The following DST variants were observed in gnomAD, a reference collection of about 807,000 sequenced individuals.
DST encodes dystonin, also known as bullous pemphigoid antigen.
Under a neutral mutation model 875.2 loss-of-function variants are expected in DST, and 253 were observed. The observed-to-expected ratio is 0.29, with a 90% CI of 0.26 to 0.32. The LOEUF (loss-of-function observed/expected upper bound fraction) is 0.32, where lower values mean the gene tolerates loss of function less well. DST is among the 10% of genes least tolerant of loss of function. The pLI, the probability that DST is intolerant of heterozygous loss-of-function variation, is 1.00. For missense variants in DST, 8,287 were observed against 9,111.6 expected, an observed-to-expected ratio of 0.91 and a Z score of 3.68; for synonymous variants, 3,124 against 3,197.1, an observed-to-expected ratio of 0.98 and a Z score of 0.77.
chr6:56,690,621 A>C (rs1249032878), intron 9 of DST, among the ~76,000 whole-genome samples: 1 of 152,254 alleles, frequency 6.6e-6, no homozygotes, highest in East Asian at 1.9e-4. Context: ...TGCAACTCAG[A>C]GCAAAAACTG....
chr6:56,473,927 C>A lies in DST; in HGVS notation c.21940G>T (p.Asp7314Tyr). The A allele has an allele frequency of 1.3e-6, 2 of 1,593,338 alleles. No homozygotes were observed. The highest frequency in any genetic ancestry group is 1.7e-6 in the Non-Finnish European group (2 of 1,168,034). The change falls in exon 93 of 104, where the codon GAT (aspartate) becomes TAT (tyrosine). Residue 7314 changes from aspartate to tyrosine, a missense_variant. Physicochemically the swap from Asp to Tyr is radical, Grantham distance 160. This residue lies in a region of DST where 1,292 missense variants were observed against 1,552.7 expected (regional missense o/e 0.83). Transcript: ENST00000680361. Reference protein sequence around the residue: ...VTKTYKRRAADPSSLQSHIPV... With the variant: ...VTKTYKRRAAYPSSLQSHIPV... ...ATATGGGATTGTAATGAGGAAGGATCAGCAGCTCTCCTCTTATAGGTCTTC... is the reference window on the plus strand; with the variant it reads ...ATATGGGATTGTAATGAGGAAGGATAAGCAGCTCTCCTCTTATAGGTCTTC...
chr6:56,538,571 C>T (rs776697231), intron 61 of DST, among the ~76,000 whole-genome samples: 1 of 152,092 alleles, frequency 6.6e-6, no homozygotes, highest in Non-Finnish European at 1.5e-5. Flanking sequence ...GAGACAAATC[C>T]TCCAGACTCT....
At chr6:56,898,304 C>A (rs757307445) in intron 3 of DST, among the ~76,000 whole-genome samples, 6 of 152,084 alleles carry the variant, frequency 3.9e-5, no homozygotes, top group Non-Finnish European at 7.4e-5. Flanking sequence ...GTTTACCAGG[C>A]AAACAAAGAA....
intron 9 of DST, among the ~76,000 whole-genome samples, chr6:56,680,045 A>G (rs1272215857): frequency 6.6e-6 from 1 of 152,016 alleles, no homozygotes; most frequent in Non-Finnish European, 1.5e-5. Context: ...AAATATCCAA[A>G]TCTCTTCCAT....
chr6:56,581,295 A>G (rs1317242131), intron 49 of DST, among the ~76,000 whole-genome samples: 1 of 152,100 alleles, frequency 6.6e-6, no homozygotes, highest in Non-Finnish European at 1.5e-5. Context: ...CTAAAGAATC[A>G]TGGAGAATAT....
intron 3 of DST, among the ~76,000 whole-genome samples, chr6:56,877,464 G>A (rs1453563665): frequency 6.6e-6 from 1 of 152,232 alleles, no homozygotes; most frequent in African/African-American, 2.4e-5. Context: ...GCAGAGGCAG[G>A]AGAATCACTT....
intron 3 of DST, among the ~76,000 whole-genome samples, chr6:56,863,507 T>C (rs933590922): frequency 5.9e-5 from 9 of 151,270 alleles, no homozygotes; most frequent in African/African-American, 2.0e-4. Flanking sequence ...GTGCTACAGC[T>C]GTGCAGCCCA....
intron 4 of DST, among the ~76,000 whole-genome samples, chr6:56,767,514 A>G (rs1215253944): frequency 6.6e-6 from 1 of 151,980 alleles, no homozygotes; most frequent in Non-Finnish European, 1.5e-5. Flanking sequence ...CTACTCGGGA[A>G]GCTGAGATAC....
At chr6:56,556,797 T>C (rs184798949) in intron 59 of DST, among the ~76,000 whole-genome samples, 1 of 152,158 alleles carries the variant, frequency 6.6e-6, no homozygotes, top group African/African-American at 2.4e-5. Flanking sequence ...ACTAGACTAG[T>C]CTAACTAACA....
chr6:56,605,871 ATCC>A lies in DST; in HGVS notation c.8754_8756del (p.Lys2918_Asp2919delinsAsn), dbSNP rs1320204387. The A allele has an allele frequency of 1.2e-6, 2 of 1,612,550 alleles. No individual in the cohort carries two copies. The highest frequency in any genetic ancestry group is 1.3e-5 in the African/African-American group (1 of 74,872). On this transcript the variant is annotated inframe_deletion, in exon 40 of 104. Transcript: ENST00000680361. ...TGTCTTTAATGATAGGCGGCAATAC[ATCC>A]TTAAGTACCATCTCATGGTTCAACA...
At chr6:56,621,684 C>T (rs2098691856) in intron 36 of DST, among the ~76,000 whole-genome samples, 2 of 152,234 alleles carry the variant, frequency 1.3e-5, no homozygotes, top group African/African-American at 4.8e-5. Context: ...GATTATAGAA[C>T]TACATGATCA....
At chr6:56,889,657 T>C (rs1039668671) in intron 3 of DST, among the ~76,000 whole-genome samples, 20 of 152,174 alleles carry the variant, frequency 1.3e-4, no homozygotes, top group Non-Finnish European at 2.4e-4. Context: ...ATCAGTGAAA[T>C]GTAACAGGAG....
At chr6:56,466,269 A>G in intron 98 of DST, 74 bp from the exon 99 acceptor site, 1 of 1,024,200 alleles carries the variant, frequency 9.8e-7, no homozygotes, top group Non-Finnish European at 1.4e-6. Flanking sequence ...TGCAATTTGC[A>G]GTAGCTAAAG....
chr6:56,580,134 T>A (rs547528007), intron 49 of DST, among the ~76,000 whole-genome samples: 1 of 152,286 alleles, frequency 6.6e-6, no homozygotes, highest in South Asian at 2.1e-4. Flanking sequence ...CTTTTAAAAT[T>A]TAAATTAATT....
chr6:56,743,900 T>C (rs1239560057), intron 4 of DST, among the ~76,000 whole-genome samples: 1 of 152,138 alleles, frequency 6.6e-6, no homozygotes, highest in Non-Finnish European at 1.5e-5. Flanking sequence ...ACGCCTGTAA[T>C]CCCAGTACTT....
intron 3 of DST, among the ~76,000 whole-genome samples, chr6:56,854,227 T>G (rs907288161): frequency 6.6e-6 from 1 of 152,112 alleles, no homozygotes; most frequent in Non-Finnish European, 1.5e-5. Context: ...TAGAAAAGAG[T>G]GCGGAACTAC....
chr6:56,874,598 G>A (rs747793387), intron 3 of DST, among the ~76,000 whole-genome samples: 2 of 152,060 alleles, frequency 1.3e-5, no homozygotes, highest in African/African-American at 2.4e-5. Flanking sequence ...TTCTACATAA[G>A]GGAAAACTAT....
chr6:56,666,343 G>C (rs2099072225), intron 10 of DST, among the ~76,000 whole-genome samples: 1 of 152,028 alleles, frequency 6.6e-6, no homozygotes, highest in South Asian at 2.1e-4. Context: ...TCCTATTTCA[G>C]ATCAATATTT....
intron 5 of DST, among the ~76,000 whole-genome samples, chr6:56,729,072 TG>T (rs1249433492): frequency 3.3e-5 from 5 of 152,056 alleles, no homozygotes; most frequent in Admixed American, 2.0e-4. Context: ...GAGCTCAATC[TG>T]GGTAAACAGT....
Sources: allele counts gnomAD v4.1 joint callset (sites outside exome capture counted in the v4.1 genomes callset), GRCh38; gene constraint gnomAD v4.1.1; regional missense constraint gnomAD v4.1.1; transcripts MANE v1.5; gene names NCBI Gene and HGNC (gene_info 2026-07-23, HGNC 2026-07-21).